ANO2: variants seen among roughly 807,000 people sequenced by gnomAD.
ANO2 encodes the protein anoctamin-2.
ANO2 carries 101 observed loss-of-function variants against 124.2 expected under a neutral mutation model. The observed-to-expected ratio is 0.81, with a 90% CI of 0.69 to 0.96. The LOEUF (loss-of-function observed/expected upper bound fraction) is 0.96, where lower values mean the gene tolerates loss of function less well. Ranked by LOEUF, ANO2 falls within the 40% of genes least tolerant of loss-of-function variation. ANO2 has a pLI of 0.00. For missense variants in ANO2, 1,293 were observed against 1,274.5 expected, an observed-to-expected ratio of 1.01 and a Z score of -0.22; for synonymous variants, 486 against 482.5, an observed-to-expected ratio of 1.01 and a Z score of -0.09.
At chr12:5,655,329 T>C (rs888530916) in intron 14 of ANO2, among the ~76,000 whole-genome samples, 9 of 152,218 alleles carry the variant, frequency 5.9e-5, no homozygotes, top group African/African-American at 2.2e-4. Context: ...TGTTCTCCTT[T>C]ATCTTAAAAC....
At position 5,908,105 on chromosome 12, in the gene ANO2, AC is replaced by A. The variant is rs1940818967; in HGVS notation, c.534+12934del. Among the ~76,000 whole-genome samples the A allele has an allele frequency of 1.3e-5, 2 of 152,204 alleles. No homozygotes were observed. Among genetic ancestry groups the A allele is most frequent in the Admixed American group, 1.3e-4 (2 of 15,278 alleles). On this transcript the variant is annotated intron_variant, in intron 3 of 24. Transcript: ENST00000682330. The surrounding 1 kb of genome is among the most constrained non-coding windows in gnomAD (Gnocchi z 4.7). Reference sequence around the variant, plus strand: ...CAGCAAACCCACACCAGCTCCGAGGACCCTGGGGCTTCCACTCTGAAGCCTT... The same window carrying A: ...CAGCAAACCCACACCAGCTCCGAGGACCTGGGGCTTCCACTCTGAAGCCTT...
At chr12:5,782,471 C>T (rs572843229) in intron 10 of ANO2, among the ~76,000 whole-genome samples, 9 of 152,244 alleles carry the variant, frequency 5.9e-5, no homozygotes, top group East Asian at 1.9e-4. Flanking sequence ...CTACCTATCT[C>T]GCTATTTTAT....
At chr12:5,826,411 G>A (rs2137207939) in intron 7 of ANO2, among the ~76,000 whole-genome samples, 1 of 150,074 alleles carries the variant, frequency 6.7e-6, no homozygotes, top group Admixed American at 6.6e-5. Context: ...TAACATTTGA[G>A]TCGGTGGGCT....
chr12:5,604,239 G>T (rs1944099121), intron 19 of ANO2, among the ~76,000 whole-genome samples: 1 of 152,186 alleles, frequency 6.6e-6, no homozygotes, highest in Admixed American at 6.5e-5. Context: ...GGTGCCGATG[G>T]CTACGATAGA....
intron 11 of ANO2, 77 bp from the exon 12 acceptor site, chr12:5,744,394 G>T: frequency 6.6e-7 from 1 of 1,520,888 alleles, no homozygotes; most frequent in Non-Finnish European, 9.0e-7. Flanking sequence ...CCCCCAAATA[G>T]CTCCCATTTC....
At position 5,945,220 on chromosome 12, in the gene ANO2, T is replaced by A. The variant is rs938266914; in HGVS notation, c.-3A>T. ...CCGCGCGGCCCGGGAGTCGCCATGA[T>A]GTGGACGCAGACCCCGCCGGCCCGC... On this transcript the variant is annotated 5_prime_UTR_variant, in exon 1 of 25. Coordinates refer to ENST00000682330, the MANE Select transcript of ANO2 (RefSeq NM_001364791.2). The A allele has an allele frequency of 7.8e-7, 1 of 1,288,212 alleles. No individual in the cohort carries two copies. The highest frequency in any genetic ancestry group is 1.0e-6 in the Non-Finnish European group (1 of 987,966). The allele number at this position is 1,288,212 out of a possible 1,614,324, so 79.8% of individuals were successfully genotyped here.
intron 16 of ANO2, among the ~76,000 whole-genome samples, chr12:5,616,317 C>G (rs1325711504): frequency 6.6e-6 from 1 of 152,194 alleles, no homozygotes; most frequent in Non-Finnish European, 1.5e-5. Context: ...CACCTTCTCA[C>G]TGTCCTCTCA....
chr12:5,584,450 C>T lies in ANO2; in HGVS notation c.2234-5932G>A, dbSNP rs549909701. Among the ~76,000 whole-genome samples, 3 of 152,248 alleles carry T rather than the reference C, an allele frequency of 2.0e-5. No homozygotes were observed. The South Asian group carries it at 6.2e-4, about 32-fold the overall frequency. On this transcript the variant is annotated intron_variant, in intron 20 of 24. Transcript: ENST00000682330. ...TAACTGAAATGCTTAAAAAAAGAATCCTCCTTCTTATGAGCCATTAATGAG... is the reference window on the plus strand; with the variant it reads ...TAACTGAAATGCTTAAAAAAAGAATTCTCCTTCTTATGAGCCATTAATGAG...
chr12:5,775,834 T>C (rs1218154678), intron 10 of ANO2, among the ~76,000 whole-genome samples: 2 of 152,182 alleles, frequency 1.3e-5, no homozygotes. Context: ...AAACCCTTCC[T>C]ACCTGAAGTC....
At chr12:5,646,584 C>G (rs1159822489) in intron 15 of ANO2, among the ~76,000 whole-genome samples, 1 of 152,110 alleles carries the variant, frequency 6.6e-6, no homozygotes, top group Non-Finnish European at 1.5e-5. Flanking sequence ...AATGAATAAA[C>G]TCTTTAACAA....
At chr12:5,806,610 A>G (rs144300899) in intron 8 of ANO2, among the ~76,000 whole-genome samples, 1 of 152,362 alleles carries the variant, frequency 6.6e-6, no homozygotes, top group East Asian at 1.9e-4. Context: ...TAGTGAAGCC[A>G]TGGAGCATTT....
At chr12:5,913,303 C>G (rs1248381608) in intron 3 of ANO2, among the ~76,000 whole-genome samples, 2 of 152,192 alleles carry the variant, frequency 1.3e-5, no homozygotes, top group Admixed American at 6.5e-5. Context: ...AGCGGCAAGT[C>G]TGAGTGTTCG....
intron 14 of ANO2, among the ~76,000 whole-genome samples, chr12:5,656,185 C>T (rs1470506654): frequency 6.6e-6 from 1 of 152,186 alleles, no homozygotes; most frequent in African/African-American, 2.4e-5. Flanking sequence ...TCCCCATACT[C>T]TTTTCCTAGC....
At chr12:5,885,598 T>C (rs1938833974) in intron 3 of ANO2, among the ~76,000 whole-genome samples, 1 of 152,190 alleles carries the variant, frequency 6.6e-6, no homozygotes, top group Non-Finnish European at 1.5e-5. Flanking sequence ...TAAGAAAGGT[T>C]TTCCCAGAGT....
chr12:5,945,341 C>T (rs948776609), upstream of ANO2: 1 of 972,868 alleles, frequency 1.0e-6, no homozygotes, highest in African/African-American at 1.8e-5. Flanking sequence ...CGGCTGCCGC[C>T]TCCTCCTCCC....
At chr12:5,842,896 G>A (rs1411630263) in intron 4 of ANO2, among the ~76,000 whole-genome samples, 3 of 151,970 alleles carry the variant, frequency 2.0e-5, no homozygotes, top group African/African-American at 7.3e-5. Flanking sequence ...ATTTTTGACA[G>A]TGAGAAGCAT....
At chr12:5,603,667 C>T (rs147593941) in intron 19 of ANO2, among the ~76,000 whole-genome samples, 3,064 of 152,086 alleles carry the variant, frequency 0.02, 101 homozygotes, top group African/African-American at 0.068. Context: ...ATGATGAGGC[C>T]GGGCGCAGTG....
At chr12:5,847,166 G>T (rs1425483645) in intron 4 of ANO2, among the ~76,000 whole-genome samples, 1 of 152,182 alleles carries the variant, frequency 6.6e-6, no homozygotes, top group African/African-American at 2.4e-5. Flanking sequence ...GGCCGGAATA[G>T]AACAAAAAGG....
At chr12:5,831,983 G>A (rs903284749) in intron 5 of ANO2, among the ~76,000 whole-genome samples, 2 of 152,146 alleles carry the variant, frequency 1.3e-5, no homozygotes, top group Non-Finnish European at 2.9e-5. Flanking sequence ...GCAGGGACAG[G>A]GAAAGACCCC....
Sources: allele counts gnomAD v4.1 joint callset (sites outside exome capture counted in the v4.1 genomes callset), GRCh38; gene constraint gnomAD v4.1.1; non-coding constraint Gnocchi (gnomAD v3.1); transcripts MANE v1.5; gene names NCBI Gene and HGNC (gene_info 2026-07-23, HGNC 2026-07-21).